Variants in ANO1 observed in about 807,000 individuals in gnomAD.
ANO1 encodes anoctamin 1.
ANO1 carries 59 observed loss-of-function variants against 124.0 expected under a neutral mutation model. The ratio of observed to expected loss-of-function variants is 0.48; its 90% CI spans 0.39 to 0.59. ANO1 has a LOEUF of 0.59. Among genes scored for constraint, ANO1 ranks in the 20% least tolerant of loss-of-function variants. ANO1 has a pLI of 0.00. For synonymous variants in ANO1, 529 were observed against 532.0 expected, an observed-to-expected ratio of 0.99 and a Z score of 0.08; for missense variants, 1,059 against 1,328.0, an observed-to-expected ratio of 0.80 and a Z score of 3.15.
In ANO1 at chr11:70,104,187, C is replaced by T. The variant is rs554781330; in HGVS notation, c.692+37C>T. The T allele has an allele frequency of 1.9e-6, 3 of 1,586,792 alleles. No individual in the cohort carries two copies. The African/African-American group carries it at 4.1e-5, about 21-fold the overall frequency. The stretch of plus-strand genomic sequence containing the variant: ...CCCCCAGCCTGCTCCCCAAAGGGTC[C>T]TGTGTGTGGGGATTTAACCTTCTAG... On this transcript the variant is annotated intron_variant, in intron 4 of 25. Transcript: ENST00000355303.
intron 1 of ANO1, among the ~76,000 whole-genome samples, chr11:70,007,354 G>A (rs1379798084): frequency 6.7e-6 from 1 of 149,262 alleles, no homozygotes; most frequent in Non-Finnish European, 1.5e-5. Flanking sequence ...TCAGCTCACG[G>A]CAAGCTCCGC....
At chr11:70,174,055 C>T (rs1485055088) in intron 22 of ANO1, among the ~76,000 whole-genome samples, 3 of 150,914 alleles carry the variant, frequency 2.0e-5, no homozygotes, top group Admixed American at 1.3e-4. Flanking sequence ...CCTGCCTCAG[C>T]CTCCTGAGTA....
intron 1 of ANO1, among the ~76,000 whole-genome samples, chr11:70,082,770 C>T (rs1462043456): frequency 6.6e-6 from 1 of 152,198 alleles, no homozygotes; most frequent in Non-Finnish European, 1.5e-5. Flanking sequence ...AAGGCACCCA[C>T]TCCACTGCTC....
intron 1 of ANO1, among the ~76,000 whole-genome samples, chr11:70,049,884 C>G (rs1857325215): frequency 6.6e-6 from 1 of 152,154 alleles, no homozygotes; most frequent in African/African-American, 2.4e-5. Flanking sequence ...CCACGCCTGG[C>G]TAATTTTTGT....
chr11:70,096,384 A>T (rs2044961673), intron 2 of ANO1, among the ~76,000 whole-genome samples: 2 of 152,090 alleles, frequency 1.3e-5, no homozygotes, highest in Admixed American at 6.6e-5. Context: ...CCTTTTAGGA[A>T]CCAGGCCCCC....
intron 12 of ANO1, among the ~76,000 whole-genome samples, chr11:70,151,629 G>A (rs2047605460): frequency 6.6e-6 from 1 of 152,144 alleles, no homozygotes; most frequent in Admixed American, 6.5e-5. Context: ...CTTGATTTTG[G>A]GGGTGATAAC....
chr11:70,168,202 A>G (rs368268082), intron 21 of ANO1, among the ~76,000 whole-genome samples: 70 of 152,228 alleles, frequency 4.6e-4, no homozygotes, highest in Non-Finnish European at 8.7e-4. Flanking sequence ...CACTCTGCAC[A>G]TGCTGGCCTC....
intron 2 of ANO1, among the ~76,000 whole-genome samples, chr11:70,095,271 G>GGAAGGAAGGAAA (rs2044815122): frequency 2.7e-5 from 2 of 74,904 alleles, no homozygotes; most frequent in African/African-American, 1.1e-4. Flanking sequence ...AAGGAAGGAA[G>GGAAGGAAGGAAA]GAAGGAAGGA....
chr11:70,079,325 T>C (rs112772119), intron 1 of ANO1, among the ~76,000 whole-genome samples: 2 of 152,166 alleles, frequency 1.3e-5, no homozygotes, highest in Non-Finnish European at 2.9e-5. Flanking sequence ...GTGTCAATCA[T>C]TGGAGATTGC....
rs1450812456 is a variant in ANO1 at position 70,066,008 on chromosome 11, C to T, written c.59-12534C>T. On this transcript the variant is annotated intron_variant, in intron 1 of 27. Transcript: ENST00000531349. ...CCTGTGTATGCATCGGTTTGCCTTT[C>T]TGGCTCCTGGTTTTGCTCTGCCTCC... Among the ~76,000 whole-genome samples, 3 of 152,354 alleles carry T rather than the reference C, an allele frequency of 2.0e-5. No individual in the cohort carries two copies. The East Asian group carries it at 5.8e-4, about 29-fold the overall frequency.
At chr11:69,973,275 G>T in the ANO1 span, among the ~76,000 whole-genome samples, 8 of 152,116 alleles carry the variant, frequency 5.3e-5, no homozygotes. Flanking sequence ...GATCTGGCAT[G>T]ATATATTTGC....
At chr11:70,149,837 T>A in intron 12 of ANO1, 45 bp downstream of exon 12, 1 of 1,594,578 alleles carries the variant, frequency 6.3e-7, no homozygotes. Flanking sequence ...TCCCCCACGT[T>A]CCCCCTACCC....
intron 12 of ANO1, among the ~76,000 whole-genome samples, chr11:70,151,648 C>A (rs549890817): frequency 3.9e-5 from 6 of 152,138 alleles, no homozygotes; most frequent in Non-Finnish European, 8.8e-5. Context: ...ACCGAAGTCA[C>A]TGGGCACACA....
At chr11:69,979,816 G>A in the ANO1 span, among the ~76,000 whole-genome samples, 1 of 152,172 alleles carries the variant, frequency 6.6e-6, no homozygotes, top group African/African-American at 2.4e-5. Flanking sequence ...TGAGAACGTA[G>A]TTCACTTGCC....
At chr11:70,052,545 T>TGAAACAGGG (rs1857367592) in intron 1 of ANO1, among the ~76,000 whole-genome samples, 1 of 69,402 alleles carries the variant, frequency 1.4e-5, no homozygotes, top group Non-Finnish European at 2.7e-5. Context: ...TTTTTTTTTT[T>TGAAACAGGG]TTTTTTTTTT....
At chr11:70,126,029 G>C (rs768292606) in intron 9 of ANO1, 32 bp from the exon 10 acceptor site, 1 of 1,579,874 alleles carries the variant, frequency 6.3e-7, no homozygotes, top group Non-Finnish European at 8.6e-7. Flanking sequence ...GAATGACAGT[G>C]GGCTTGACTC....
At chr11:70,027,776 G>C (rs782779847) in intron 1 of ANO1, among the ~76,000 whole-genome samples, 4 of 152,198 alleles carry the variant, frequency 2.6e-5, no homozygotes, top group South Asian at 2.1e-4. Flanking sequence ...AGCTTCCTAG[G>C]GGTGGAACAC....
rs370764848 is a variant in ANO1 at position 70,187,956 on chromosome 11, C to A, written c.2913C>A (p.Ser971Arg). The A allele has an allele frequency of 2.5e-6, 4 of 1,575,044 alleles. No homozygotes were observed. Among genetic ancestry groups the A allele is most frequent in the Admixed American group, 1.9e-5 (1 of 53,290 alleles). ...ACAACACCAAAGCCTGCCCAGACAGCCTCGGCAGCCCAGCCCCCAGCCATG... is the reference window on the plus strand; with the variant it reads ...ACAACACCAAAGCCTGCCCAGACAGACTCGGCAGCCCAGCCCCCAGCCATG... Reference protein sequence around the residue: ...NHHNTKACPDSLGSPAPSHAY... With the variant: ...NHHNTKACPDRLGSPAPSHAY... The change falls in exon 26 of 26, where the codon AGC becomes AGA. Residue 971 changes from serine (S) to arginine (R), a missense_variant. Coordinates refer to ENST00000355303, the MANE Select transcript of ANO1 (RefSeq NM_018043.7).
intron 2 of ANO1, among the ~76,000 whole-genome samples, chr11:70,099,048 T>C (rs1357830337): frequency 6.6e-6 from 1 of 152,074 alleles, no homozygotes; most frequent in Non-Finnish European, 1.5e-5. Context: ...GCTGACTCTG[T>C]CCCCTTGCAG....
Sources: allele counts gnomAD v4.1 joint callset (sites outside exome capture counted in the v4.1 genomes callset), GRCh38; gene constraint gnomAD v4.1.1; transcripts MANE v1.5; gene names NCBI Gene and HGNC (gene_info 2026-07-23, HGNC 2026-07-21).